BEND7: variants seen among roughly 807,000 people sequenced by gnomAD.
The protein encoded by BEND7 is BEN domain-containing protein 7.
In BEND7, 28 loss-of-function variants were observed where a neutral mutation model predicts 50.9. That is an observed-to-expected ratio of 0.55 (90% CI 0.41 to 0.75). The LOEUF (loss-of-function observed/expected upper bound fraction) is 0.75. BEND7 is among the 30% of genes least tolerant of loss of function. The pLI is 0.00. For missense variants in BEND7, 477 were observed against 491.3 expected, an observed-to-expected ratio of 0.97 and a Z score of 0.28; for synonymous variants, 170 against 183.9, an observed-to-expected ratio of 0.92 and a Z score of 0.61.
downstream of BEND7, among the ~76,000 whole-genome samples, chr10:13,440,116 G>T (rs1191579450): frequency 6.6e-6 from 1 of 152,224 alleles, no homozygotes; most frequent in Non-Finnish European, 1.5e-5. Flanking sequence ...AGGTGTGCAA[G>T]CGTCTTCCAG....
chr10:13,464,414 C>A (rs4750363), intron 6 of BEND7, among the ~76,000 whole-genome samples: 110,944 of 152,150 alleles, frequency 0.73, 40,985 homozygotes, highest in East Asian at 0.88. Context: ...GCAAAAGTAC[C>A]GTGTGATGCT....
chr10:13,480,663 C>A, intron 6 of BEND7: 1 of 985,186 alleles, frequency 1.0e-6, no homozygotes, highest in Non-Finnish European at 1.2e-6. Context: ...TGCAGCAGGT[C>A]AAACTGGCTC....
At chr10:13,462,651 G>A (rs148469125) in intron 6 of BEND7, among the ~76,000 whole-genome samples, 2 of 152,130 alleles carry the variant, frequency 1.3e-5, no homozygotes, top group East Asian at 3.8e-4. Flanking sequence ...GATGGAAATA[G>A]AACAGATAAG....
At chr10:13,457,548 C>T (rs1839257075) in intron 6 of BEND7, among the ~76,000 whole-genome samples, 1 of 152,168 alleles carries the variant, frequency 6.6e-6, no homozygotes, top group South Asian at 2.1e-4. Flanking sequence ...ATTATTGACA[C>T]CCTAGTTCAT....
chr10:13,515,676 C>T (rs1047874259), intron 2 of BEND7, among the ~76,000 whole-genome samples: 6 of 152,318 alleles, frequency 3.9e-5, no homozygotes, highest in Admixed American at 1.3e-4. Flanking sequence ...ACTATGGTCA[C>T]GCGGCCAAAA....
At chr10:13,516,684 C>A (rs764879053) in intron 2 of BEND7, among the ~76,000 whole-genome samples, 2 of 152,046 alleles carry the variant, frequency 1.3e-5, no homozygotes, top group African/African-American at 4.8e-5. Context: ...AAAATCGCGC[C>A]GCTGCACTCC....
rs554806981 is a variant in BEND7 at position 13,465,505 on chromosome 10, T to C, written c.1064-12847A>G. ...CATCTTCGTGCTGACTGCTACTCTA[T>C]GGGGCTGTTATTTTCAGCTGGCTGA... On this transcript the variant is annotated intron_variant, in intron 6 of 8. Transcript: ENST00000466271. 1.1e-4 allele frequency among the ~76,000 whole-genome samples: 16 copies of C among 152,316 alleles called. No individual in the cohort carries two copies. In the South Asian group the frequency reaches 2.5e-3, roughly 24 times the overall value.
chr10:13,485,058 G>GA, intron 5 of BEND7, among the ~76,000 whole-genome samples: 1 of 152,188 alleles, frequency 6.6e-6, no homozygotes, highest in South Asian at 2.1e-4. Flanking sequence ...TTTGGCTGGG[G>GA]AATCTCCTAA....
intron 2 of BEND7, among the ~76,000 whole-genome samples, chr10:13,516,462 A>T (rs1451920360): frequency 6.6e-6 from 1 of 152,238 alleles, no homozygotes; most frequent in Non-Finnish European, 1.5e-5. Flanking sequence ...GCGGTGGCTC[A>T]CGCTGGTAAT....
chr10:13,507,418 G>A (rs777760804), intron 2 of BEND7, among the ~76,000 whole-genome samples: 28 of 152,224 alleles, frequency 1.8e-4, no homozygotes, highest in Non-Finnish European at 3.4e-4. Flanking sequence ...CAATCCTACC[G>A]CTACACTATT....
intron 2 of BEND7, among the ~76,000 whole-genome samples, chr10:13,514,430 G>A (rs2078507112): frequency 6.6e-6 from 1 of 152,050 alleles, no homozygotes; most frequent in Non-Finnish European, 1.5e-5. Flanking sequence ...GCCTAAATTC[G>A]GCCACATCTT....
chr10:13,498,932 A>G (rs980423911), intron 3 of BEND7, among the ~76,000 whole-genome samples: 2 of 152,214 alleles, frequency 1.3e-5, no homozygotes, highest in African/African-American at 2.4e-5. Context: ...AAAAAAGTCA[A>G]AACAGTTCTC....
At chr10:13,451,105 CTG>C (rs1004922419) in intron 7 of BEND7, among the ~76,000 whole-genome samples, 1 of 151,990 alleles carries the variant, frequency 6.6e-6, no homozygotes, top group Non-Finnish European at 1.5e-5. Context: ...AACATTTACA[CTG>C]TGTTTCTTAC....
chr10:13,452,103 T>TA (rs1837881435), intron 7 of BEND7, among the ~76,000 whole-genome samples: 1 of 152,148 alleles, frequency 6.6e-6, no homozygotes, highest in East Asian at 1.9e-4. Flanking sequence ...ATCCCCCACT[T>TA]AAAATCCCTT....
chr10:13,452,972 G>T (rs2131058480), intron 6 of BEND7, among the ~76,000 whole-genome samples: 1 of 152,208 alleles, frequency 6.6e-6, no homozygotes, highest in Middle Eastern at 3.4e-3. Context: ...GCTTCCTAAG[G>T]GTCTACTGAC....
intron 7 of BEND7, among the ~76,000 whole-genome samples, chr10:13,451,166 T>C (rs1241149104): frequency 6.6e-6 from 1 of 151,650 alleles, no homozygotes; most frequent in Non-Finnish European, 1.5e-5. Flanking sequence ...TCCCTGAGAA[T>C]AGCCTTCTAC....
At chr10:13,481,802 A>G (rs2075880502) in intron 5 of BEND7, among the ~76,000 whole-genome samples, 1 of 152,250 alleles carries the variant, frequency 6.6e-6, no homozygotes, top group Non-Finnish European at 1.5e-5. Flanking sequence ...ACTCTTGGAA[A>G]ACCAATGTGC....
chr10:13,496,911 A>T, intron 3 of BEND7, 23 bp from the exon 4 acceptor site: 4 of 1,546,098 alleles, frequency 2.6e-6, no homozygotes, highest in Non-Finnish European at 3.5e-6. Flanking sequence ...GAAAAGAATG[A>T]CATACTCCAA....
At chr10:13,468,247 C>T (rs1381580524) in intron 6 of BEND7, among the ~76,000 whole-genome samples, 2 of 152,128 alleles carry the variant, frequency 1.3e-5, no homozygotes, top group East Asian at 1.9e-4. Context: ...GCAATCAGTA[C>T]AGGTTAGGGC....
Sources: allele counts gnomAD v4.1 joint callset (sites outside exome capture counted in the v4.1 genomes callset), GRCh38; gene constraint gnomAD v4.1.1; transcripts MANE v1.5; gene names NCBI Gene and HGNC (gene_info 2026-07-23, HGNC 2026-07-21).